Variants in NHSL1 observed in about 807,000 individuals in gnomAD.
NHSL1 encodes NHS like 1, also known as NHS-like protein 1.
A neutral mutation model predicts 95.0 loss-of-function variants in NHSL1; 48 were observed. The observed-to-expected ratio is 0.51, with a 90% CI of 0.40 to 0.64. The LOEUF (loss-of-function observed/expected upper bound fraction) is 0.64. Among genes scored for constraint, NHSL1 ranks in the 30% least tolerant of loss-of-function variants. The probability of loss-of-function intolerance (pLI) is 0.00; values close to 1 mark genes in which losing one functional copy is unlikely to be tolerated. For missense variants in NHSL1, 1,971 were observed against 2,077.7 expected (o/e 0.95, Z 1.00); for synonymous variants, 783 against 833.9 (o/e 0.94, Z 1.05).
chr6:138,603,423 G>T (rs1411914107), intron 1 of NHSL1, among the ~76,000 whole-genome samples: 1 of 152,094 alleles, frequency 6.6e-6, no homozygotes, highest in South Asian at 2.1e-4. Flanking sequence ...TAGTGTAAAG[G>T]TTTCCCATGC....
chr6:138,435,806 CT>C (rs1248119210), intron 5 of NHSL1, among the ~76,000 whole-genome samples: 3 of 148,044 alleles, frequency 2.0e-5, no homozygotes, highest in East Asian at 4.0e-4. Context: ...TGCCATTTTT[CT>C]AACATGCTTA....
intron 1 of NHSL1, among the ~76,000 whole-genome samples, chr6:138,539,632 T>G (rs1218421770): frequency 6.6e-6 from 1 of 152,174 alleles, no homozygotes; most frequent in Non-Finnish European, 1.5e-5. Context: ...GAAACCAGAA[T>G]AGGTAGAAAT....
rs1044136355 is a variant in NHSL1, at chr6:138,431,967, G to A, written c.2378C>T (p.Pro793Leu). The change falls in exon 6 of 8, where the codon CCG (proline) becomes CTG (leucine). Residue 793 changes from proline (P) to leucine (L), a missense_variant. Pro to Leu is a moderately conservative substitution (Grantham distance 98). Coordinates refer to ENST00000343505, the MANE Select transcript of NHSL1 (RefSeq NM_001144060.2). The surrounding 1 kb of genome is among the most constrained non-coding windows in gnomAD (Gnocchi z 4.0). ...YIDYTGMQED[P>L]GNPAGGCSTS... ...TGAACAGCCCCCTGCCGGGTTCCCCGGATCTTCCTGCATGCCCGTGTAGTC... is the reference window on the plus strand; with the variant it reads ...TGAACAGCCCCCTGCCGGGTTCCCCAGATCTTCCTGCATGCCCGTGTAGTC... The A allele has an allele frequency of 4.6e-5, 72 of 1,551,618 alleles. No homozygotes were observed. Among genetic ancestry groups the A allele is most frequent in the Non-Finnish European group, 5.4e-5 (62 of 1,147,010 alleles).
At chr6:138,547,329 TAA>T (rs11314239), upstream of NHSL1, among the ~76,000 whole-genome samples, 388 of 146,652 alleles carry the variant, frequency 2.6e-3, no homozygotes, top group Middle Eastern at 0.014. Context: ...TAGTTAGGAT[TAA>T]AAAAAAAAAA....
At chr6:138,536,125 G>A (rs1045888500) in intron 1 of NHSL1, among the ~76,000 whole-genome samples, 3 of 152,296 alleles carry the variant, frequency 2.0e-5, no homozygotes, top group African/African-American at 7.2e-5. Context: ...GAAACCTGTG[G>A]TATGGCATGT....
At position 138,433,429 on chromosome 6, in the gene NHSL1, C is replaced by T. The variant is rs1002451937; in HGVS notation, c.916G>A (p.Asp306Asn). The change falls in exon 6 of 8, where the codon GAT becomes AAT. Residue 306 changes from aspartate (D) to asparagine (N), a missense_variant. By Grantham distance (23) the Asp-to-Asn change is conservative. Around this residue, in one of 3 missense-constraint regions of NHSL1, gnomAD observed 1,602 missense variants for 1,654.5 expected, o/e 0.97. Coordinates refer to ENST00000343505, the MANE Select transcript of NHSL1 (RefSeq NM_001144060.2). The part of the protein sequence containing the change: ...GSSGNMSVLS[D>N]SAGIVFPSRL... ...GAAGGGAATACGATCCCTGCAGAAT[C>T]GCTCAGCACAGACATGTTGCCAGAG... The T allele has an allele frequency of 1.2e-5, 18 of 1,552,194 alleles. No individual in the cohort carries two copies. The highest frequency in any genetic ancestry group is 5.9e-5 in the Admixed American group (3 of 50,992).
chr6:138,613,776 G>A (rs988684222), intron 1 of NHSL1, among the ~76,000 whole-genome samples: 9 of 152,196 alleles, frequency 5.9e-5, no homozygotes, highest in Non-Finnish European at 1.2e-4. Flanking sequence ...TAATAGGAGA[G>A]GGGAAGCGAA....
At chr6:138,632,170 C>T (rs146533329) in intron 1 of NHSL1, among the ~76,000 whole-genome samples, 2 of 152,182 alleles carry the variant, frequency 1.3e-5, no homozygotes, top group Non-Finnish European at 2.9e-5. Flanking sequence ...GGAAGGACTG[C>T]GTCTTGTGGT....
At chr6:138,453,669 C>T (rs1048538776) in intron 3 of NHSL1, among the ~76,000 whole-genome samples, 1 of 152,012 alleles carries the variant, frequency 6.6e-6, no homozygotes, top group Non-Finnish European at 1.5e-5. Flanking sequence ...ACCTCAGCCT[C>T]CCGAGTAACT....
At chr6:138,489,203 A>G (rs1345195523) in intron 2 of NHSL1, among the ~76,000 whole-genome samples, 1 of 152,162 alleles carries the variant, frequency 6.6e-6, no homozygotes, top group African/African-American at 2.4e-5. Flanking sequence ...ATTGCACTTC[A>G]ATTAAAATGC....
intron 3 of NHSL1, among the ~76,000 whole-genome samples, chr6:138,448,223 G>A (rs1215995023): frequency 6.6e-6 from 1 of 152,146 alleles, no homozygotes; most frequent in Non-Finnish European, 1.5e-5. Context: ...ACTTCAGCCT[G>A]GCTCCACAGC....
Position 138,445,094 on chromosome 6 carries a change from T to C in NHSL1, c.532+1907A>G, listed in dbSNP as rs186108491. ...GAATTAAAGCTCAGAGACATGACAC[T>C]GTCTTCTGTTGTGACAGTGTAATTC... On this transcript the variant is annotated intron_variant, in intron 4 of 7. Transcript: ENST00000343505. 3.1e-3 allele frequency among the ~76,000 whole-genome samples: 467 copies of C among 152,342 alleles called. 3 individuals are homozygous for C. The highest frequency in any genetic ancestry group is 0.011 in the African/African-American group (452 of 41,578).
chr6:138,575,850 G>C (rs1783961092), upstream of NHSL1, among the ~76,000 whole-genome samples: 1 of 152,134 alleles, frequency 6.6e-6, no homozygotes, highest in Non-Finnish European at 1.5e-5. Context: ...CAACCCAAGA[G>C]CCATACAAAT....
Position 138,614,828 on chromosome 6 carries a change from G to A in NHSL1, c.96+77648C>T, listed in dbSNP as rs117242522. On this transcript the variant is annotated intron_variant, in intron 1 of 3. Coordinates refer to the NHSL1 transcript ENST00000491526. ...AAGCATGAACCCTATTGTGAACTGC[G>A]CATGGGAGGGATCTAGGTTGAATGC... Among the ~76,000 whole-genome samples, 1,312 of 152,242 alleles carry A rather than the reference G, an allele frequency of 8.6e-3. 33 individuals carry two copies. The highest frequency in any genetic ancestry group is 0.039 in the East Asian group (202 of 5,180).
chr6:138,553,493 C>T (rs1783085911), intron 1 of NHSL1, among the ~76,000 whole-genome samples: 1 of 152,212 alleles, frequency 6.6e-6, no homozygotes, highest in Admixed American at 6.5e-5. Context: ...TCACACTTAA[C>T]TTCTGGTACT....
At chr6:138,543,612 C>A (rs1338113680) in intron 1 of NHSL1, among the ~76,000 whole-genome samples, 1 of 152,214 alleles carries the variant, frequency 6.6e-6, no homozygotes, top group East Asian at 1.9e-4. Context: ...ATCACAACCA[C>A]ATATGCAATA....
At chr6:138,565,771 A>G (rs1444145548) in intron 1 of NHSL1, among the ~76,000 whole-genome samples, 4 of 151,564 alleles carry the variant, frequency 2.6e-5, no homozygotes, top group Non-Finnish European at 5.9e-5. Flanking sequence ...CAAAAATAAA[A>G]TAAAATAAAA....
intron 1 of NHSL1, among the ~76,000 whole-genome samples, chr6:138,507,059 A>T (rs1174814839): frequency 6.6e-6 from 1 of 152,172 alleles, no homozygotes; most frequent in Non-Finnish European, 1.5e-5. Context: ...AGATATTTGA[A>T]CCTTCTATCT....
At chr6:138,680,394 T>C (rs896931337) in intron 1 of NHSL1, among the ~76,000 whole-genome samples, 3 of 152,202 alleles carry the variant, frequency 2.0e-5, no homozygotes, top group Non-Finnish European at 4.4e-5. Flanking sequence ...ACAGGACTCA[T>C]GACCAATTGC....
Sources: gnomAD v4.1 joint callset for allele counts (sites outside exome capture counted in the v4.1 genomes callset) on GRCh38, gnomAD v4.1.1 for gene constraint, gnomAD v4.1.1 regional missense constraint, Gnocchi (gnomAD v3.1) non-coding constraint, MANE v1.5 for transcripts, NCBI Gene and HGNC (gene_info 2026-07-23, HGNC 2026-07-21) for gene names.